UQCRB: variants seen among roughly 807,000 people sequenced by gnomAD.
The protein encoded by UQCRB is ubiquinol-cytochrome c reductase binding protein.
UQCRB carries 12 observed loss-of-function variants against 19.8 expected under a neutral mutation model. The observed-to-expected ratio is 0.61, with a 90% CI of 0.39 to 0.98. UQCRB has a LOEUF of 0.98. Ranked by LOEUF, UQCRB falls within the 50% of genes least tolerant of loss-of-function variation. UQCRB has a pLI of 0.00. For synonymous variants in UQCRB, 39 were observed against 42.9 expected (o/e 0.91, Z 0.35); for missense variants, 142 against 131.8 (o/e 1.08, Z -0.38).
rs1809606768 is a variant in UQCRB, at chr8:96,229,432, T to C, written c.*1623A>G. On this transcript the variant is annotated 3_prime_UTR_variant, in exon 4 of 4. Coordinates refer to ENST00000287022, the MANE Select transcript of UQCRB (RefSeq NM_006294.5). ...TCCCTACACACCTTGACAGTGCTCT[T>C]TGAGATGCCTCAGTTGTAGTCTCCT... 2.2e-6 allele frequency: 1 copy of C among 454,138 alleles called. No homozygotes were observed. Among genetic ancestry groups the C allele is most frequent in the Non-Finnish European group, 4.4e-6 (1 of 226,802 alleles). The allele number at this position is 454,138 out of a possible 1,614,324, so 28.1% of individuals were successfully genotyped here.
In UQCRB at chr8:96,229,216, T is replaced by TAATACCTC; in HGVS notation, c.*1838_*1839insGAGGTATT. 1 of 454,104 alleles carries TAATACCTC rather than the reference T, an allele frequency of 2.2e-6. No homozygotes were observed. The highest frequency in any genetic ancestry group is 1.6e-5 in the South Asian group (1 of 64,476). 28.1% of individuals were successfully genotyped at this position (454,104 alleles called of 1,614,324 possible). On this transcript the variant is annotated 3_prime_UTR_variant, in exon 4 of 4. Transcript: ENST00000287022. ...GGAAGAACTCTTACAAAATCAGAGG[T>TAATACCTC]TGCCTTATGTAATACCACACTTTAC...
intron 1 of UQCRB, chr8:96,234,838 CA>C (rs4021437): frequency 0.4 from 44,690 of 111,486 alleles, 6,713 homozygotes; most frequent in Non-Finnish European, 0.46. Flanking sequence ...CAGAGATTAG[CA>C]AAAAAAAAAA....
chr8:96,230,079 A>G lies in UQCRB; in HGVS notation c.*976T>C, dbSNP rs1411479810. 3 of 453,898 alleles carry G rather than the reference A, an allele frequency of 6.6e-6. No homozygotes were observed. The highest frequency in any genetic ancestry group is 1.3e-5 in the Non-Finnish European group (3 of 226,776). The allele number at this position is 453,898 out of a possible 1,614,324, so 28.1% of individuals were successfully genotyped here. On this transcript the variant is annotated 3_prime_UTR_variant, in exon 4 of 4. Coordinates refer to ENST00000287022, the MANE Select transcript of UQCRB (RefSeq NM_006294.5). ...AGGAGTGGAAATGATGACAACATTGAATAATCCTAATTTTTTTTTTGAGAC... is the reference window on the plus strand; with the variant it reads ...AGGAGTGGAAATGATGACAACATTGGATAATCCTAATTTTTTTTTTGAGAC...
At position 96,223,286 on chromosome 8, in the gene UQCRB, C is replaced by T. The variant is rs1809475952; in HGVS notation, c.*7769G>A. 6.6e-6 allele frequency among the ~76,000 whole-genome samples: 1 copy of T among 152,124 alleles called. No homozygotes were observed. The highest frequency in any genetic ancestry group is 2.1e-4 in the South Asian group (1 of 4,826). ...ATTTGTATCAAAACATCATGCTGTA[C>T]ACCTTAAATAAAAAAGAAAAGACAA... On this transcript the variant is annotated 3_prime_UTR_variant, in exon 4 of 4. Transcript: ENST00000287022.
chr8:96,228,340 C>T lies in UQCRB; in HGVS notation c.*2715G>A, dbSNP rs1809573479. On this transcript the variant is annotated 3_prime_UTR_variant, in exon 4 of 4. Transcript: ENST00000287022. The stretch of plus-strand genomic sequence containing the variant: ...TGGCAGTTTTAAAATGTCACCCATC[C>T]AAAACACAAAACAGGGAGATAGCCA... 8.8e-6 allele frequency: 4 copies of T among 453,920 alleles called. No individual in the cohort carries two copies. Among genetic ancestry groups the T allele is most frequent in the Admixed American group, 2.4e-5 (1 of 42,546 alleles). The allele number at this position is 453,920 out of a possible 1,614,324, so 28.1% of individuals were successfully genotyped here. A position where few individuals can be genotyped will look rare whatever the true frequency, so the allele number is the denominator to read the frequency against.
chr8:96,229,066 G>C lies in UQCRB; in HGVS notation c.*1989C>G. 2.2e-6 allele frequency: 1 copy of C among 453,986 alleles called. No individual in the cohort carries two copies. The highest frequency in any genetic ancestry group is 1.6e-5 in the South Asian group (1 of 64,470). The allele number at this position is 453,986 out of a possible 1,614,324, so 28.1% of individuals were successfully genotyped here. ...TCTTAGTCTTCATAACAAGCAGGAC[G>C]ATAACCATAATTTATAATGAACACA... On this transcript the variant is annotated 3_prime_UTR_variant, in exon 4 of 4. Transcript: ENST00000287022.
rs1809619889 is a variant in UQCRB at position 96,229,902 on chromosome 8, C to T, written c.*1153G>A. The T allele has an allele frequency of 2.3e-6, 1 of 436,222 alleles. No homozygotes were observed. The allele number at this position is 436,222 out of a possible 1,614,324, so 27.0% of individuals were successfully genotyped here. ...TTAAATGTAACACAAATTCGTTTTT[C>T]ACACTGTTTTGTTATTTGAGGTAAG... On this transcript the variant is annotated 3_prime_UTR_variant, in exon 4 of 4. Transcript: ENST00000287022.
chr8:96,231,329 T>C (rs1809667796), intron 3 of UQCRB, 197 bp from the exon 4 acceptor site: 2 of 1,549,330 alleles, frequency 1.3e-6, no homozygotes, highest in East Asian at 4.9e-5. Flanking sequence ...TTTGATAGGT[T>C]ATGAGGGGGA....
In UQCRB at chr8:96,226,833, A is replaced by T. The variant is rs1450012494; in HGVS notation, c.*4222T>A. ...TCCAGAATGACAATTTAAATAGTTT[A>T]TCATAAGCCTCTGGAATATTAACAG... is the stretch of plus-strand genomic sequence containing the variant. On this transcript the variant is annotated 3_prime_UTR_variant, in exon 4 of 4. Coordinates refer to ENST00000287022, the MANE Select transcript of UQCRB (RefSeq NM_006294.5). 4 of 448,156 alleles carry T rather than the reference A, an allele frequency of 8.9e-6. No individual in the cohort carries two copies. Among genetic ancestry groups the T allele is most frequent in the Non-Finnish European group, 1.8e-5 (4 of 224,956 alleles). 27.8% of individuals were successfully genotyped at this position (448,156 alleles called of 1,614,324 possible).
rs763893791 is a variant in UQCRB at position 96,228,513 on chromosome 8, C to A, written c.*2542G>T. 6.6e-5 allele frequency: 30 copies of A among 453,960 alleles called. No individual in the cohort carries two copies. Among genetic ancestry groups the A allele is most frequent in the Non-Finnish European group, 1.2e-4 (28 of 226,788 alleles). 28.1% of individuals were successfully genotyped at this position (453,960 alleles called of 1,614,324 possible). On this transcript the variant is annotated 3_prime_UTR_variant, in exon 4 of 4. Transcript: ENST00000287022. ...GCCACATAGAAGGAAGAGAGGAGAC[C>A]TTGGACCTTAGCTACTGGTTAGCTA...
chr8:96,229,466 T>G lies in UQCRB; in HGVS notation c.*1589A>C, dbSNP rs1319121488. 6.6e-6 allele frequency: 3 copies of G among 454,028 alleles called. No individual in the cohort carries two copies. The highest frequency in any genetic ancestry group is 1.3e-5 in the Non-Finnish European group (3 of 226,798). The allele number at this position is 454,028 out of a possible 1,614,324, so 28.1% of individuals were successfully genotyped here. On this transcript the variant is annotated 3_prime_UTR_variant, in exon 4 of 4. Transcript: ENST00000287022. ...CTCAGTTGTAGTCTCCTTGTAATTG[T>G]GCACAGTAGACGTCTGAACGAATAG...
At position 96,231,789 on chromosome 8, in the gene UQCRB, CCA is replaced by C. The variant is rs1471511931; in HGVS notation, c.241_242del (p.Trp81AspfsTer4). The C allele has an allele frequency of 6.2e-7, 1 of 1,614,016 alleles. No individual in the cohort carries two copies. Among genetic ancestry groups the C allele is most frequent in the Non-Finnish European group, 8.5e-7 (1 of 1,180,030 alleles). ...GCTGTGCTACCTCTTCATATTTGGT[CCA>C]CTGCTCTTTAGGCAAGATCTGATGC... ...LKHQILPKEQ[W>X]TKYEEENFYL... On this transcript the variant is annotated frameshift_variant, in exon 3 of 4. Transcript: ENST00000287022. LOFTEE classifies it high-confidence loss of function.
rs1170016190 is a variant in UQCRB, at chr8:96,228,834, G to T, written c.*2221C>A. On this transcript the variant is annotated 3_prime_UTR_variant, in exon 4 of 4. Coordinates refer to ENST00000287022, the MANE Select transcript of UQCRB (RefSeq NM_006294.5). ...AATCACTCTACCATTCGGTCTACAG[G>T]ACAATGTAGACCAGACTACAGGACA... is the stretch of plus-strand genomic sequence containing the variant. 1 of 453,992 alleles carries T rather than the reference G, an allele frequency of 2.2e-6. No homozygotes were observed. Among genetic ancestry groups the T allele is most frequent in the Non-Finnish European group, 4.4e-6 (1 of 226,770 alleles). The allele number at this position is 453,992 out of a possible 1,614,324, so 28.1% of individuals were successfully genotyped here. A position where few individuals can be genotyped will look rare whatever the true frequency, so the allele number is the denominator to read the frequency against.
chr8:96,226,742 C>T lies in UQCRB; in HGVS notation c.*4313G>A. On this transcript the variant is annotated 3_prime_UTR_variant, in exon 4 of 4. Coordinates refer to ENST00000287022, the MANE Select transcript of UQCRB (RefSeq NM_006294.5). ...ATTTTTACATTTATGCAAAAATAGG[C>T]ACATGTATTCAAACAAAAAGTTCAA... 2 of 379,352 alleles carry T rather than the reference C, an allele frequency of 5.3e-6. No homozygotes were observed. The highest frequency in any genetic ancestry group is 3.9e-5 in the Admixed American group (1 of 25,862). The allele number at this position is 379,352 out of a possible 1,614,324, so 23.5% of individuals were successfully genotyped here.
rs977172453 is a variant in UQCRB at position 96,234,528 on chromosome 8, C to T, written c.19+984G>A. ...CAGTGTCTTGAATTTAGTAAGACTC[C>T]TTCAATATCTGCCAAATTAATAAAA... On this transcript the variant is annotated intron_variant, in intron 1 of 3. Coordinates refer to ENST00000287022, the MANE Select transcript of UQCRB (RefSeq NM_006294.5). 59 of 1,284,792 alleles carry T rather than the reference C, an allele frequency of 4.6e-5. No homozygotes were observed. In the Admixed American group the frequency reaches 1.3e-3, roughly 29 times the overall value. The allele number at this position is 1,284,792 out of a possible 1,614,324, so 79.6% of individuals were successfully genotyped here. A position where few individuals can be genotyped will look rare whatever the true frequency, so the allele number is the denominator to read the frequency against.
Position 96,227,891 on chromosome 8 carries a change from T to C in UQCRB, c.*3164A>G, listed in dbSNP as rs763081582. 63 of 454,136 alleles carry C rather than the reference T, an allele frequency of 1.4e-4. No homozygotes were observed. Among genetic ancestry groups the C allele is most frequent in the East Asian group, 7.6e-4 (11 of 14,400 alleles). 28.1% of individuals were successfully genotyped at this position (454,136 alleles called of 1,614,324 possible). On this transcript the variant is annotated 3_prime_UTR_variant, in exon 4 of 4. Coordinates refer to ENST00000287022, the MANE Select transcript of UQCRB (RefSeq NM_006294.5). ...AATTTAAAAACAGGAAAAGGTGCCA[T>C]TAGTAAAAACTCCATCACTAACATT...
rs1462246848 is a variant in UQCRB at position 96,230,516 on chromosome 8, T to C, written c.*539A>G. ...GATATGGGGACAGTATGATTTGTCT[T>C]TATACTTTTATTTTTCTAACATCTT... On this transcript the variant is annotated 3_prime_UTR_variant, in exon 4 of 4. Transcript: ENST00000287022. The C allele has an allele frequency of 2.2e-6, 1 of 453,958 alleles. No individual in the cohort carries two copies. Among genetic ancestry groups the C allele is most frequent in the South Asian group, 1.6e-5 (1 of 64,386 alleles). 28.1% of individuals were successfully genotyped at this position (453,958 alleles called of 1,614,324 possible).
chr8:96,226,741 G>A lies in UQCRB; in HGVS notation c.*4314C>T, dbSNP rs1809532470. 3 of 378,064 alleles carry A rather than the reference G, an allele frequency of 7.9e-6. No individual in the cohort carries two copies. Among genetic ancestry groups the A allele is most frequent in the South Asian group, 5.9e-5 (3 of 50,488 alleles). The allele number at this position is 378,064 out of a possible 1,614,324, so 23.4% of individuals were successfully genotyped here. ...CATTTTTACATTTATGCAAAAATAGGCACATGTATTCAAACAAAAAGTTCA... is the reference window on the plus strand; with the variant it reads ...CATTTTTACATTTATGCAAAAATAGACACATGTATTCAAACAAAAAGTTCA... On this transcript the variant is annotated 3_prime_UTR_variant, in exon 4 of 4. Coordinates refer to ENST00000287022, the MANE Select transcript of UQCRB (RefSeq NM_006294.5).
Position 96,229,724 on chromosome 8 carries a change from A to G in UQCRB, c.*1331T>C, listed in dbSNP as rs1563535963. 2.2e-6 allele frequency: 1 copy of G among 451,548 alleles called. No individual in the cohort carries two copies. Among genetic ancestry groups the G allele is most frequent in the Non-Finnish European group, 4.4e-6 (1 of 226,296 alleles). The allele number at this position is 451,548 out of a possible 1,614,324, so 28.0% of individuals were successfully genotyped here. ...TTCAACCATACAAAAGAAAATTGAC[A>G]TGATTTCAGGATAGGTTTAGAAAAA... On this transcript the variant is annotated 3_prime_UTR_variant, in exon 4 of 4. Coordinates refer to ENST00000287022, the MANE Select transcript of UQCRB (RefSeq NM_006294.5).
Sources: allele counts gnomAD v4.1 joint callset (sites outside exome capture counted in the v4.1 genomes callset), GRCh38; gene constraint gnomAD v4.1.1; transcripts MANE v1.5; gene names NCBI Gene and HGNC (gene_info 2026-07-23, HGNC 2026-07-21).